The following RAP1GAP2 variants were observed in gnomAD, a reference collection of about 807,000 sequenced individuals.
RAP1GAP2 encodes rap1 GTPase-activating protein 2.
In RAP1GAP2, 27 loss-of-function variants were observed where a neutral mutation model predicts 95.0. The observed-to-expected ratio is 0.28, with a 90% CI of 0.21 to 0.39. RAP1GAP2 has a LOEUF of 0.39. Among genes scored for constraint, RAP1GAP2 ranks in the 10% least tolerant of loss-of-function variants. The probability of loss-of-function intolerance (pLI) is 1.00; values close to 1 mark genes in which losing one functional copy is unlikely to be tolerated. For synonymous variants in RAP1GAP2, 373 were observed against 380.9 expected (o/e 0.98, Z 0.24); for missense variants, 771 against 970.0 (o/e 0.79, Z 2.72).
rs191292861 is a variant in RAP1GAP2 at position 2,758,661 on chromosome 17, T to C, written c.50+2894T>C. Among the ~76,000 whole-genome samples, 666 of 152,354 alleles carry C rather than the reference T, an allele frequency of 4.4e-3. 6 individuals carry two copies. Among genetic ancestry groups the C allele is most frequent in the African/African-American group, 0.015 (627 of 41,586 alleles). ...CAGCCATGGCCAGCCATGCTCCAGC[T>C]GTGGCCCCTGGATCTAGGACTTCCC... On this transcript the variant is annotated intron_variant, in intron 1 of 25. Transcript: ENST00000637138.
chr17:2,940,780 C>T (rs995081483), intron 3 of RAP1GAP2, among the ~76,000 whole-genome samples: 1 of 152,220 alleles, frequency 6.6e-6, no homozygotes, highest in African/African-American at 2.4e-5. Context: ...GGCTCTTCGT[C>T]TTTCCCCTGC....
intron 3 of RAP1GAP2, among the ~76,000 whole-genome samples, chr17:2,948,932 AT>A (rs1331752101): frequency 1.3e-5 from 2 of 152,194 alleles, no homozygotes; most frequent in Non-Finnish European, 2.9e-5. Flanking sequence ...AAGTAGGGGC[AT>A]TGGGAAAGAT....
chr17:2,924,096 G>A (rs2042878322), intron 3 of RAP1GAP2, among the ~76,000 whole-genome samples: 1 of 152,148 alleles, frequency 6.6e-6, no homozygotes, highest in Admixed American at 6.6e-5. Flanking sequence ...AAACCTTTGG[G>A]GTAGAGATAT....
chr17:3,026,933 T>G lies in RAP1GAP2; in HGVS notation c.1981-11T>G. On this transcript the variant is annotated splice_polypyrimidine_tract_variant and intron_variant, in intron 21 of 24. Coordinates refer to ENST00000254695, the MANE Select transcript of RAP1GAP2 (RefSeq NM_015085.5). ...GTGGGCTGGCCTCGCTCACCCTGCC[T>G]CTCTCCTCAGGGCAGCCAGCCGTCC... 6.5e-7 allele frequency: 1 copy of G among 1,549,788 alleles called. No homozygotes were observed. Among genetic ancestry groups the G allele is most frequent in the South Asian group, 1.2e-5 (1 of 83,882 alleles).
intron 1 of RAP1GAP2, among the ~76,000 whole-genome samples, chr17:2,761,979 C>CTTTTTTTTTT (rs901487276): frequency 2.6e-5 from 2 of 77,710 alleles, no homozygotes; most frequent in Non-Finnish European, 4.8e-5. Context: ...GTTTATATAT[C>CTTTTTTTTTT]TTTTTTTTTT....
chr17:2,911,768 C>T (rs2042390569), intron 3 of RAP1GAP2, among the ~76,000 whole-genome samples: 1 of 152,126 alleles, frequency 6.6e-6, no homozygotes, highest in African/African-American at 2.4e-5. Context: ...CCCCTGGGAC[C>T]ATAGACAGTA....
intron 23 of RAP1GAP2, among the ~76,000 whole-genome samples, chr17:3,031,667 C>G (rs1423406892): frequency 2.7e-5 from 4 of 149,088 alleles, no homozygotes; most frequent in African/African-American, 9.9e-5. Context: ...TCCCCCAGTC[C>G]CTTTCTGAGC....
chr17:3,004,639 CAG>C lies in RAP1GAP2; in HGVS notation c.1201-729_1201-728del, dbSNP rs1318291330. 2.6e-5 allele frequency among the ~76,000 whole-genome samples: 4 copies of C among 152,264 alleles called. No homozygotes were observed. The highest frequency in any genetic ancestry group is 5.9e-5 in the Non-Finnish European group (4 of 68,052). On this transcript the variant is annotated intron_variant, in intron 14 of 24. Coordinates refer to ENST00000254695, the MANE Select transcript of RAP1GAP2 (RefSeq NM_015085.5). The surrounding 1 kb of genome is among the most constrained non-coding windows in gnomAD (Gnocchi z 4.1). Reference sequence around the variant, plus strand: ...CGTCACTCTAAAGCTCAGTCTCACTCAGGGTGCCAGAGGTGCGCGCCCCACCC... The same window carrying C: ...CGTCACTCTAAAGCTCAGTCTCACTCGGTGCCAGAGGTGCGCGCCCCACCC...
rs574403873 is a variant in RAP1GAP2, at chr17:2,916,797, A to G, written c.165+11429A>G. 8.5e-5 allele frequency among the ~76,000 whole-genome samples: 13 copies of G among 152,252 alleles called. No individual in the cohort carries two copies. The South Asian group carries it at 2.1e-3, about 24-fold the overall frequency. On this transcript the variant is annotated intron_variant, in intron 3 of 24. Transcript: ENST00000254695. ...AGTGAGATGCAGATGCCCTTGAGAA[A>G]CACACAGTCAGGGCTTCTCTCTAGG...
chr17:2,800,619 C>G (rs966115225), intron 2 of RAP1GAP2, 69 bp downstream of exon 2: 3 of 1,527,502 alleles, frequency 2.0e-6, no homozygotes, highest in Non-Finnish European at 2.7e-6. Context: ...CCCTTGCTCC[C>G]CCCAGGTTGT....
chr17:2,948,294 GCAGAGGAGAGGAGCCCAGGGC>G (rs1221043221), intron 3 of RAP1GAP2, among the ~76,000 whole-genome samples: 3 of 152,206 alleles, frequency 2.0e-5, no homozygotes, highest in Non-Finnish European at 4.4e-5. Flanking sequence ...ACCTCCAGAA[GCAGAGGAGAGGAGCCCAGGGC>G]CAGGGCAGGT....
intron 3 of RAP1GAP2, among the ~76,000 whole-genome samples, chr17:2,956,099 C>T (rs1028383525): frequency 5.3e-5 from 8 of 152,218 alleles, no homozygotes; most frequent in Non-Finnish European, 7.3e-5. Context: ...AAGCTCTTTA[C>T]GTCTGCTAAT....
intron 2 of RAP1GAP2, among the ~76,000 whole-genome samples, chr17:2,853,155 T>C (rs2071949958): frequency 6.6e-6 from 1 of 152,018 alleles, no homozygotes; most frequent in African/African-American, 2.4e-5. Flanking sequence ...TCGGCGATCC[T>C]TGCGCCGACT....
chr17:2,841,391 C>T (rs1163015340), intron 2 of RAP1GAP2, among the ~76,000 whole-genome samples: 16 of 149,578 alleles, frequency 1.1e-4, no homozygotes, highest in Admixed American at 1.1e-3. Context: ...GCAACCTCCA[C>T]CTCCCAGGTT....
At chr17:2,868,013 C>T (rs1263591386) in intron 2 of RAP1GAP2, among the ~76,000 whole-genome samples, 1 of 152,184 alleles carries the variant, frequency 6.6e-6, no homozygotes, top group East Asian at 1.9e-4. Context: ...AAGCATTCAG[C>T]CTGTGACCGC....
intron 3 of RAP1GAP2, among the ~76,000 whole-genome samples, chr17:2,939,769 G>T (rs1477576603): frequency 6.6e-6 from 1 of 152,344 alleles, no homozygotes; most frequent in South Asian, 2.1e-4. Context: ...CTGGCGTGGG[G>T]CCTCTCCCTT....
rs1203353725 is a variant in RAP1GAP2, at chr17:2,825,641, T to C, written c.80+25091T>C. ...GGAAAGTGAAGATAAGGAGCGTCCC[T>C]GTCTCACAGGGATGTTTGAGGATGA... On this transcript the variant is annotated intron_variant, in intron 2 of 24. Transcript: ENST00000254695. This position sits in a 1 kb window ranked among gnomAD's most constrained non-coding sequence, Gnocchi z 4.1. Among the ~76,000 whole-genome samples, 3 of 152,100 alleles carry C rather than the reference T, an allele frequency of 2.0e-5. No homozygotes were observed. The highest frequency in any genetic ancestry group is 4.8e-5 in the African/African-American group (2 of 41,462).
chr17:2,847,395 G>A lies in RAP1GAP2; in HGVS notation c.80+46845G>A, dbSNP rs1567704812. ...CATTACAGTAACTAACAGCAAGCAA[G>A]GAAGCAAACAAAAAGTCTTGCTACC... On this transcript the variant is annotated intron_variant, in intron 2 of 24. Coordinates refer to ENST00000254695, the MANE Select transcript of RAP1GAP2 (RefSeq NM_015085.5). Among the ~76,000 whole-genome samples the A allele has an allele frequency of 2.6e-5, 4 of 151,624 alleles. 1 individual carries two copies. Among genetic ancestry groups the A allele is most frequent in the Admixed American group, 1.3e-4 (2 of 15,010 alleles).
At chr17:2,878,326 C>T (rs978020781) in intron 2 of RAP1GAP2, among the ~76,000 whole-genome samples, 3 of 152,118 alleles carry the variant, frequency 2.0e-5, no homozygotes, top group Admixed American at 2.0e-4. Context: ...GTGAGACCCC[C>T]CCGGGGATGT....
Sources: gnomAD v4.1 joint callset for allele counts (sites outside exome capture counted in the v4.1 genomes callset) on GRCh38, gnomAD v4.1.1 for gene constraint, Gnocchi (gnomAD v3.1) non-coding constraint, MANE v1.5 for transcripts, NCBI Gene and HGNC (gene_info 2026-07-23, HGNC 2026-07-21) for gene names.